SKIC3: variants seen among roughly 807,000 people sequenced by gnomAD.
SKIC3 encodes SKI3 subunit of superkiller complex, also known as superkiller complex protein 3.
chr5:95,530,178 T>C, the SKIC3 span: 1 of 1,613,600 alleles, frequency 6.2e-7, no homozygotes, highest in Non-Finnish European at 8.5e-7. Flanking sequence ...ACTTTTTGAA[T>C]CCATTTCCAC....
At chr5:95,506,822 T>C in the SKIC3 span, 1 of 1,070,296 alleles carries the variant, frequency 9.3e-7, no homozygotes, top group Non-Finnish European at 1.4e-6. Flanking sequence ...GGAAATTATG[T>C]ATCCTACATG....
the SKIC3 span, chr5:95,543,289 C>G: frequency 1.9e-6 from 3 of 1,613,908 alleles, no homozygotes; most frequent in South Asian, 3.3e-5. Context: ...CAATAAAAAC[C>G]CAGGCATTAT....
At chr5:95,503,143 GAAT>G in the SKIC3 span, 1 of 941,856 alleles carries the variant, frequency 1.1e-6, no homozygotes, top group Admixed American at 2.5e-5. Flanking sequence ...CAAGCAGATA[GAAT>G]AAAAATTTAT....
At chr5:95,491,492 T>C in the SKIC3 span, among the ~76,000 whole-genome samples, 13 of 152,310 alleles carry the variant, frequency 8.5e-5, no homozygotes, top group African/African-American at 2.6e-4. Flanking sequence ...AGATTTTAAT[T>C]ATATTCTAAT....
chr5:95,464,951 ATCTC>A, the SKIC3 span, among the ~76,000 whole-genome samples: 53 of 131,454 alleles, frequency 4.0e-4, no homozygotes, highest in Non-Finnish European at 4.7e-4. Context: ...TTTGGACGGA[ATCTC>A]TCTCTGTCAC....
the SKIC3 span, chr5:95,520,732 G>T: frequency 5.6e-6 from 9 of 1,609,766 alleles, no homozygotes; most frequent in Non-Finnish European, 6.8e-6. Context: ...AAATATTCCA[G>T]TGCTTTTTCT....
At chr5:95,503,075 C>A in the SKIC3 span, 12 of 1,588,900 alleles carry the variant, frequency 7.6e-6, no homozygotes, top group Non-Finnish European at 1.0e-5. Flanking sequence ...GGGATTTTTC[C>A]TTTCCAAATT....
chr5:95,528,960 T>C, the SKIC3 span: 1 of 1,518,122 alleles, frequency 6.6e-7, no homozygotes, highest in South Asian at 1.1e-5. Context: ...CAAATAGGGT[T>C]GGTCACCCTT....
chr5:95,528,963 T>C, the SKIC3 span: 1 of 1,544,294 alleles, frequency 6.5e-7, no homozygotes, highest in Non-Finnish European at 9.0e-7. Context: ...ATAGGGTTGG[T>C]CACCCTTATA....
At chr5:95,536,516 C>T in the SKIC3 span, 1 of 352,784 alleles carries the variant, frequency 2.8e-6, no homozygotes, top group Non-Finnish European at 5.2e-6. Flanking sequence ...ATATATTTCA[C>T]CTACTCCTGT....
chr5:95,489,226 C>T, the SKIC3 span, among the ~76,000 whole-genome samples: 1 of 151,752 alleles, frequency 6.6e-6, no homozygotes, highest in Non-Finnish European at 1.5e-5. Flanking sequence ...ATTACTTGAG[C>T]CCAGGAGTTT....
the SKIC3 span, among the ~76,000 whole-genome samples, chr5:95,496,608 G>A: frequency 5.3e-5 from 8 of 152,092 alleles, no homozygotes; most frequent in African/African-American, 1.9e-4. Context: ...GCAGAAGCAA[G>A]TACAAATTAT....
At chr5:95,520,305 C>T in the SKIC3 span, among the ~76,000 whole-genome samples, 1 of 151,498 alleles carries the variant, frequency 6.6e-6, no homozygotes, top group Non-Finnish European at 1.5e-5. Context: ...TCAAGACCTA[C>T]TAATAATCCT....
the SKIC3 span, among the ~76,000 whole-genome samples, chr5:95,466,454 T>C: frequency 0.24 from 36,457 of 151,796 alleles, 5,682 homozygotes; most frequent in African/African-American, 0.44. Context: ...CAACATTGCA[T>C]AGGACAGTAC....
At chr5:95,548,385 T>A in the SKIC3 span, among the ~76,000 whole-genome samples, 80 of 152,134 alleles carry the variant, frequency 5.3e-4, no homozygotes, top group East Asian at 0.015. Context: ...TCTTTTTGAC[T>A]TAAAAAATGT....
At chr5:95,468,032 A>G in the SKIC3 span, 2 of 1,608,380 alleles carry the variant, frequency 1.2e-6, no homozygotes, top group Non-Finnish European at 8.5e-7. Context: ...CATGCAAATT[A>G]CCATAAGATA....
chr5:95,479,675 T>TTGTGTG, the SKIC3 span, among the ~76,000 whole-genome samples: 55 of 144,084 alleles, frequency 3.8e-4, no homozygotes, highest in South Asian at 6.8e-4. Context: ...GGAAAAAACA[T>TTGTGTG]TGTGTGTGTG....
chr5:95,478,638 T>C, the SKIC3 span, among the ~76,000 whole-genome samples: 2 of 152,164 alleles, frequency 1.3e-5, no homozygotes, highest in Admixed American at 1.3e-4. Context: ...CAGCTGCCTA[T>C]TAGCAAATTG....
the SKIC3 span, chr5:95,484,858 A>G: frequency 6.2e-7 from 1 of 1,613,376 alleles, no homozygotes; most frequent in African/African-American, 1.3e-5. Flanking sequence ...GTAAACAAAA[A>G]ATGTCAATGT....
Sources: gnomAD v4.1 joint callset for allele counts (sites outside exome capture counted in the v4.1 genomes callset) on GRCh38, gnomAD v4.1.1 for gene constraint, MANE v1.5 for transcripts, NCBI Gene and HGNC (gene_info 2026-07-23, HGNC 2026-07-21) for gene names.